Variants in SGIP1 observed in about 807,000 individuals in gnomAD.
SGIP1 encodes SH3GL interacting endocytic adaptor 1.
In SGIP1, 38 loss-of-function variants were observed where a neutral mutation model predicts 107.5. The ratio of observed to expected loss-of-function variants is 0.35; its 90% CI spans 0.27 to 0.46. The LOEUF is 0.46. Among genes scored for constraint, SGIP1 ranks in the 20% least tolerant of loss-of-function variants. The probability of loss-of-function intolerance (pLI) is 1.00; values close to 1 mark genes in which losing one functional copy is unlikely to be tolerated. For missense variants in SGIP1, 929 were observed against 1,019.5 expected (o/e 0.91, Z 1.21); for synonymous variants, 365 against 366.1 (o/e 1.00, Z 0.03).
chr1:66,664,752 G>A (rs1214483073), intron 8 of SGIP1, among the ~76,000 whole-genome samples: 2 of 152,176 alleles, frequency 1.3e-5, no homozygotes, highest in Admixed American at 6.6e-5. Flanking sequence ...TTGGGAGGTA[G>A]CCTCTGGTGA....
chr1:66,696,303 T>C (rs573434984), intron 18 of SGIP1, among the ~76,000 whole-genome samples: 55 of 152,330 alleles, frequency 3.6e-4, no homozygotes, highest in Middle Eastern at 3.4e-3. Context: ...TAACTTAATT[T>C]ATGGACCATC....
chr1:66,726,863 C>T (rs575319423), intron 19 of SGIP1, among the ~76,000 whole-genome samples: 26 of 149,372 alleles, frequency 1.7e-4, no homozygotes, highest in African/African-American at 3.9e-4. Context: ...TCCAGCAGTT[C>T]GGGAGGCCAA....
In SGIP1 at chr1:66,742,381, A is replaced by G. The variant is rs866729569; in HGVS notation, c.2465-692A>G. ...ATCCTGGTTTTTTTATGTCTATTGT[A>G]CTGATGTAATTATTAATTATACCCT... On this transcript the variant is annotated intron_variant, in intron 24 of 24. Coordinates refer to ENST00000371037, the MANE Select transcript of SGIP1 (RefSeq NM_032291.4). Among the ~76,000 whole-genome samples the G allele has an allele frequency of 3.3e-5, 5 of 149,828 alleles. No individual in the cohort carries two copies. In the South Asian group the frequency reaches 1.1e-3, roughly 32 times the overall value.
intron 2 of SGIP1, among the ~76,000 whole-genome samples, chr1:66,631,927 T>C (rs1181955859): frequency 6.6e-6 from 1 of 152,180 alleles, no homozygotes; most frequent in Non-Finnish European, 1.5e-5. Context: ...AAAAACTGAA[T>C]TAAAATGGGA....
Position 66,585,177 on chromosome 1 carries a change from AT to A in SGIP1, c.11-40668del, listed in dbSNP as rs561776476. On this transcript the variant is annotated intron_variant, in intron 1 of 24. Transcript: ENST00000371037. Reference sequence around the variant, plus strand: ...CTATCTTGGCTGGAGGCCTTTCCTTATTAATCATTTCACATGTGCCCTTCTC... The same window carrying A: ...CTATCTTGGCTGGAGGCCTTTCCTTATAATCATTTCACATGTGCCCTTCTC... Among the ~76,000 whole-genome samples, 14 of 152,200 alleles carry A rather than the reference AT, an allele frequency of 9.2e-5. No individual in the cohort carries two copies. The East Asian group carries it at 2.7e-3, about 29-fold the overall frequency.
chr1:66,663,221 C>T (rs1273978414), intron 8 of SGIP1, among the ~76,000 whole-genome samples: 1 of 152,132 alleles, frequency 6.6e-6, no homozygotes, highest in Non-Finnish European at 1.5e-5. Flanking sequence ...ACCCCCTCCC[C>T]ATCCCCCACC....
chr1:66,688,843 C>T (rs2150082065), intron 15 of SGIP1, among the ~76,000 whole-genome samples: 1 of 152,128 alleles, frequency 6.6e-6, no homozygotes, highest in East Asian at 1.9e-4. Flanking sequence ...ATGAAAGGTA[C>T]CTACCATGCA....
At position 66,596,277 on chromosome 1, in the gene SGIP1, G is replaced by T. The variant is rs1048036577; in HGVS notation, c.11-29570G>T. 2.0e-5 allele frequency among the ~76,000 whole-genome samples: 3 copies of T among 146,492 alleles called. No homozygotes were observed. The East Asian group carries it at 6.7e-4, about 33-fold the overall frequency. On this transcript the variant is annotated intron_variant, in intron 1 of 24. Transcript: ENST00000371037. ...ATTGAAGTATAAAGAGGGCAGAAAA[G>T]AATTTTATTGAGTGATGGAACAGCT...
intron 13 of SGIP1, among the ~76,000 whole-genome samples, chr1:66,679,164 AT>A (rs1414954314): frequency 1.3e-5 from 2 of 152,196 alleles, no homozygotes; most frequent in African/African-American, 4.8e-5. Flanking sequence ...AAGAAATATA[AT>A]TTTGAGAAAT....
In SGIP1 at chr1:66,698,379, C is replaced by CTT. The variant is rs397739553; in HGVS notation, c.1630+2902_1630+2903dup. Among the ~76,000 whole-genome samples, 1,017 of 137,246 alleles carry CTT rather than the reference C, an allele frequency of 7.4e-3. 20 individuals carry two copies. Among genetic ancestry groups the CTT allele is most frequent in the South Asian group, 0.026 (115 of 4,364 alleles). The allele number at this position is 137,246 out of a possible 152,430, so 90.0% of individuals were successfully genotyped here. A position where few individuals can be genotyped will look rare whatever the true frequency, so the allele number is the denominator to read the frequency against. On this transcript the variant is annotated intron_variant, in intron 18 of 24. Transcript: ENST00000371037. ...CAGTAAAGATTGCAAATGGTGATGA[C>CTT]TTTTTTTTTTTTTTTTTGAGACGGA...
chr1:66,552,861 C>T (rs2057623514), intron 1 of SGIP1, among the ~76,000 whole-genome samples: 2 of 152,040 alleles, frequency 1.3e-5, no homozygotes, highest in South Asian at 2.1e-4. Context: ...GAGAAAACGA[C>T]TTCAACCACT....
chr1:66,677,242 T>C, intron 13 of SGIP1, 146 bp downstream of exon 13: 1 of 634,908 alleles, frequency 1.6e-6, no homozygotes, highest in East Asian at 2.8e-5. Context: ...TCTAACAGGC[T>C]TTCAAGTTAA....
At position 66,558,634 on chromosome 1, in the gene SGIP1, C is replaced by T. The variant is rs1033145980; in HGVS notation, c.10+24266C>T. 3.9e-5 allele frequency among the ~76,000 whole-genome samples: 6 copies of T among 151,944 alleles called. 2 individuals are homozygous for T. The highest frequency in any genetic ancestry group is 3.9e-4 in the Admixed American group (6 of 15,252). ...CCAAACAGGCATTATCTCATTGAAG[C>T]CTCAAAACAAGTCACAGAATTAGAC... On this transcript the variant is annotated intron_variant, in intron 1 of 24. Coordinates refer to ENST00000371037, the MANE Select transcript of SGIP1 (RefSeq NM_032291.4).
chr1:66,700,636 C>A (rs796704617), intron 18 of SGIP1, among the ~76,000 whole-genome samples: 5 of 152,180 alleles, frequency 3.3e-5, no homozygotes, highest in African/African-American at 9.6e-5. Flanking sequence ...ATAATCAAAT[C>A]AGAGTAATTA....
intron 1 of SGIP1, among the ~76,000 whole-genome samples, chr1:66,579,106 C>T (rs891599723): frequency 2.0e-5 from 3 of 152,178 alleles, no homozygotes; most frequent in Admixed American, 6.5e-5. Context: ...ATTTTGGGGT[C>T]TGTAAAATTA....
At chr1:66,694,909 G>A (rs372480279) in intron 17 of SGIP1, 73 of 225,178 alleles carry the variant, frequency 3.2e-4, no homozygotes, top group Non-Finnish European at 5.8e-4. Context: ...GGATGCCTAA[G>A]GTGATTCCAA....
At chr1:66,676,772 T>C (rs1380271586) in intron 12 of SGIP1, among the ~76,000 whole-genome samples, 1 of 152,050 alleles carries the variant, frequency 6.6e-6, no homozygotes, top group Non-Finnish European at 1.5e-5. Flanking sequence ...AAAGTTTTTA[T>C]GTAGCTATAT....
At chr1:66,706,609 AT>A (rs1195055028) in intron 18 of SGIP1, among the ~76,000 whole-genome samples, 2 of 151,764 alleles carry the variant, frequency 1.3e-5, no homozygotes, top group Non-Finnish European at 2.9e-5. Context: ...TTCCAAAGTA[AT>A]TATCAATATG....
intron 23 of SGIP1, among the ~76,000 whole-genome samples, chr1:66,740,975 G>A (rs2150754448): frequency 6.6e-6 from 1 of 152,278 alleles, no homozygotes; most frequent in South Asian, 2.1e-4. Context: ...TCCTGTGTCA[G>A]ATTCCACGCT....
Sources: allele counts gnomAD v4.1 joint callset (sites outside exome capture counted in the v4.1 genomes callset), GRCh38; gene constraint gnomAD v4.1.1; transcripts MANE v1.5; gene names NCBI Gene and HGNC (gene_info 2026-07-23, HGNC 2026-07-21).